SYP: variants seen among roughly 807,000 people sequenced by gnomAD.
SYP encodes the protein major synaptic vesicle protein P38.
A neutral mutation model predicts 24.3 loss-of-function variants in SYP; 2 were observed. That is an observed-to-expected ratio of 0.08 (90% CI 0.03 to 0.26). The LOEUF (loss-of-function observed/expected upper bound fraction) is 0.26, where lower values mean the gene tolerates loss of function less well. SYP is among the 10% of genes least tolerant of loss of function. The pLI, the probability that SYP is intolerant of heterozygous loss-of-function variation, is 1.00. For missense variants in SYP, 216 were observed against 266.3 expected, an observed-to-expected ratio of 0.81 and a Z score of 1.32; for synonymous variants, 143 against 123.2, an observed-to-expected ratio of 1.16 and a Z score of -1.07.
At chrX:49,193,676 A>G (rs1327063089) in intron 4 of SYP, among the ~76,000 whole-genome samples, 1 of 112,736 alleles carries the variant, frequency 8.9e-6, no homozygotes, top group African/African-American at 3.2e-5. Flanking sequence ...TGTGATTGTG[A>G]TATGTGGCTG....
intron 1 of SYP, 55 bp downstream of exon 1, chrX:49,200,096 C>A: frequency 8.6e-7 from 1 of 1,160,311 alleles, no homozygotes; most frequent in Non-Finnish European, 1.2e-6. Flanking sequence ...CCTGAGCGAC[C>A]CGGCCTAGGC....
intron 3 of SYP, among the ~76,000 whole-genome samples, chrX:49,196,278 C>T (rs781995553): frequency 2.7e-5 from 3 of 111,659 alleles, no homozygotes; most frequent in African/African-American, 9.8e-5. Context: ...GGCTGCCCCT[C>T]TGCCTCTCAG....
intron 2 of SYP, 83 bp from the exon 3 acceptor site, chrX:49,197,922 C>T (rs2065534446): frequency 8.6e-7 from 1 of 1,166,274 alleles, no homozygotes. Context: ...AGATCGGGGG[C>T]CCAGCACAGG....
intron 1 of SYP, among the ~76,000 whole-genome samples, 171 bp downstream of exon 1, chrX:49,199,980 C>T (rs782210080): frequency 3.6e-5 from 4 of 111,464 alleles, no homozygotes; most frequent in South Asian, 7.5e-4. Context: ...CTCCTTTTCT[C>T]CACCTCCCCC....
At chrX:49,199,903 A>G (rs1237278015) in intron 1 of SYP, among the ~76,000 whole-genome samples, 3 of 110,696 alleles carry the variant, frequency 2.7e-5, no homozygotes, top group Non-Finnish European at 5.7e-5. Context: ...GGTCGCCAGT[A>G]ATAAACGGGG....
At chrX:49,190,382 G>T (rs1557102511) in intron 6 of SYP, among the ~76,000 whole-genome samples, 1 of 110,541 alleles carries the variant, frequency 9.0e-6, no homozygotes, top group Non-Finnish European at 1.9e-5. Flanking sequence ...GTTTCACCGT[G>T]TTGGCCAGGC....
chrX:49,197,643 G>A, intron 3 of SYP, 72 bp downstream of exon 3: 1 of 1,163,822 alleles, frequency 8.6e-7, no homozygotes, highest in Middle Eastern at 2.3e-4. Context: ...TACTTGCGGG[G>A]GGAGGTATTG....
chrX:49,193,133 C>T (rs1346936108), intron 5 of SYP, 139 bp downstream of exon 5: 9 of 672,804 alleles, frequency 1.3e-5, no homozygotes, highest in Admixed American at 2.7e-5. Context: ...CATCCTTCAA[C>T]GTTGTTGTTG....
intron 2 of SYP, chrX:49,198,747 C>T (rs1352737254): frequency 1.1e-5 from 5 of 438,409 alleles, no homozygotes; most frequent in Non-Finnish European, 1.6e-5. Flanking sequence ...TCACAGTCTC[C>T]CACTTCACAA....
At chrX:49,198,561 A>G (rs1180310970) in intron 2 of SYP, 2 of 155,326 alleles carry the variant, frequency 1.3e-5, no homozygotes, top group Non-Finnish European at 2.4e-5. Flanking sequence ...TCTCATCTCC[A>G]TATTTCTTTT....
chrX:49,191,271 T>C, intron 6 of SYP, 162 bp downstream of exon 6: 2 of 559,357 alleles, frequency 3.6e-6, no homozygotes, highest in Non-Finnish European at 6.0e-6. Context: ...TTTCAGCTCT[T>C]AGCAGGTAGT....
chrX:49,193,581 A>G, intron 4 of SYP, 118 bp from the exon 5 acceptor site: 1 of 819,194 alleles, frequency 1.2e-6, no homozygotes, highest in South Asian at 2.4e-5. Flanking sequence ...CTGCCTTTTC[A>G]GCTCTCAAGC....
intron 3 of SYP, among the ~76,000 whole-genome samples, chrX:49,196,317 T>C (rs1406968319): frequency 9.0e-6 from 1 of 111,588 alleles, no homozygotes; most frequent in East Asian, 2.8e-4. Flanking sequence ...CTCCTCTCTT[T>C]TCCATCATTG....
At chrX:49,199,299 AG>A (rs1200059919) in intron 1 of SYP, 6 of 300,571 alleles carry the variant, frequency 2.0e-5, no homozygotes, top group African/African-American at 1.9e-4. Context: ...GAGGGGGAGC[AG>A]GTTTGAAACG....
At chrX:49,194,866 G>A (rs1297462293) in intron 3 of SYP, among the ~76,000 whole-genome samples, 3 of 110,515 alleles carry the variant, frequency 2.7e-5, no homozygotes, top group Non-Finnish European at 5.7e-5. Context: ...GCGCCGCTAC[G>A]CCCAGCTAAT....
intron 5 of SYP, among the ~76,000 whole-genome samples, 197 bp downstream of exon 5, chrX:49,193,075 C>T (rs1252801049): frequency 8.9e-6 from 1 of 112,548 alleles, no homozygotes; most frequent in Non-Finnish European, 1.9e-5. Context: ...TGTCATGTTC[C>T]CCCTTTGGGG....
Position 49,193,281 on chromosome X carries a change from G to A in SYP, c.606C>T (p.Asn202=). Reference sequence around the variant, plus strand: ...AGCACCCAGGGCTTACCACCGAGGTGTTGAGTCCCGAGGTCACAGGGTCTC... The same window carrying A: ...AGCACCCAGGGCTTACCACCGAGGTATTGAGTCCCGAGGTCACAGGGTCTC... ...ELRDPVTSGL[N]TSVVFGFLNL... The change falls in exon 5 of 7, where the codon AAC becomes AAT. Residue 202 remains asparagine, a synonymous_variant. Coordinates refer to ENST00000263233, the MANE Select transcript of SYP (RefSeq NM_003179.3). 2 of 1,211,872 alleles carry A rather than the reference G, an allele frequency of 1.7e-6. No homozygotes were observed. The highest frequency in any genetic ancestry group is 2.2e-6 in the Non-Finnish European group (2 of 895,424).
chrX:49,194,704 CTTTTTTTTT>C (rs34247999), intron 3 of SYP, among the ~76,000 whole-genome samples: 2 of 57,414 alleles, frequency 3.5e-5, no homozygotes, highest in Admixed American at 2.2e-4. Flanking sequence ...CCCTCATCTC[CTTTTTTTTT>C]TTTTTTTTTT....
At position 49,193,332 on chromosome X, in the gene SYP, C is replaced by T; in HGVS notation, c.555G>A (p.Gln185=). The T allele has an allele frequency of 8.2e-7, 1 of 1,212,228 alleles. No individual in the cohort carries two copies. The highest frequency in any genetic ancestry group is 1.1e-6 in the Non-Finnish European group (1 of 895,565). ...TCAGCTCCTTGCATGTGTTCCCTGT[C>T]TGGCGGCAGACAGGCATCTCCTTGA... is the stretch of plus-strand genomic sequence containing the variant. The part of the protein sequence containing the change: ...NIIKEMPVCR[Q]TGNTCKELRD... Residue 185 remains glutamine (Q), a synonymous_variant, in exon 5 of 7, where the codon CAG becomes CAA. Coordinates refer to ENST00000263233, the MANE Select transcript of SYP (RefSeq NM_003179.3).
Sources: allele counts gnomAD v4.1 joint callset (sites outside exome capture counted in the v4.1 genomes callset), GRCh38; gene constraint gnomAD v4.1.1; transcripts MANE v1.5; gene names NCBI Gene and HGNC (gene_info 2026-07-23, HGNC 2026-07-21).